ADPRM: variants seen among roughly 807,000 people sequenced by gnomAD.
The protein encoded by ADPRM is manganese-dependent ADP-ribose/CDP-alcohol diphosphatase.
Under a neutral mutation model 27.2 loss-of-function variants are expected in ADPRM, and 17 were observed. That is an observed-to-expected ratio of 0.63 (90% confidence interval 0.43 to 0.94). ADPRM has a LOEUF of 0.94. ADPRM is among the 40% of genes least tolerant of loss of function. The pLI, the probability that ADPRM is intolerant of heterozygous loss-of-function variation, is 0.00. For missense variants in ADPRM, 337 were observed against 412.8 expected, an observed-to-expected ratio of 0.82 and a Z score of 1.59; for synonymous variants, 135 against 145.3, an observed-to-expected ratio of 0.93 and a Z score of 0.51.
At chr17:10,701,347 T>C (rs2074775979) in intron 1 of ADPRM, among the ~76,000 whole-genome samples, 1 of 152,176 alleles carries the variant, frequency 6.6e-6, no homozygotes, top group Non-Finnish European at 1.5e-5. Flanking sequence ...TTTTTTTTTT[T>C]TGAGATGGAG....
intron 1 of ADPRM, among the ~76,000 whole-genome samples, chr17:10,703,111 ATAT>A (rs1477049194): frequency 1.3e-5 from 2 of 152,156 alleles, no homozygotes; most frequent in African/African-American, 4.8e-5. Context: ...CTTGGTGATA[ATAT>A]TCATGTTATA....
Position 10,705,194 on chromosome 17 carries a change from C to T in ADPRM, c.268C>T (p.Leu90=). ...NAQYNASKKS[L]ELVMDMFKRL... Reference sequence around the variant, plus strand: ...ACAGTATAATGCATCCAAAAAGTCCCTAGAACTTGTTATGGACATGTTCAA... The same window carrying T: ...ACAGTATAATGCATCCAAAAAGTCCTTAGAACTTGTTATGGACATGTTCAA... Residue 90 remains leucine, a synonymous_variant, in exon 2 of 4, where the codon CTA becomes TTA. Coordinates refer to ENST00000379774, the MANE Select transcript of ADPRM (RefSeq NM_020233.5). This position sits in a 1 kb window ranked among gnomAD's most constrained non-coding sequence, Gnocchi z 5.4. 6.2e-7 allele frequency: 1 copy of T among 1,614,118 alleles called. No individual in the cohort carries two copies. The highest frequency in any genetic ancestry group is 8.5e-7 in the Non-Finnish European group (1 of 1,180,010).
rs755087684 is a variant in ADPRM, at chr17:10,711,098, C to T, written c.983C>T (p.Pro328Leu). 3.1e-6 allele frequency: 5 copies of T among 1,613,086 alleles called. No homozygotes were observed. The East Asian group carries it at 1.1e-4, about 36-fold the overall frequency. Residue 328 changes from proline (P) to leucine (L), a missense_variant, in exon 4 of 4, where the codon CCA (proline) becomes CTA (leucine). By Grantham distance (98) the Pro-to-Leu change is moderately conservative (BLOSUM62 -3). Transcript: ENST00000379774. ...KMMLKGRGRV[P>L]DRIMNYKKER... ...ATGTTGAAAGGGAGAGGCAGAGTTC[C>T]AGATAGAATTATGAATTACAAGAAA...
At position 10,706,508 on chromosome 17, in the gene ADPRM, A is replaced by C. The variant is rs1210990701; in HGVS notation, c.672A>C (p.Glu224Asp). ...FSQEQLNWLNEVLTFSDTNQE... is the reference protein window; with the variant it reads ...FSQEQLNWLNDVLTFSDTNQE... ...AAGAACAGCTAAACTGGTTGAATGA[A>C]GTGCTAACATTCTCTGACACAAACC... The change falls in exon 3 of 4, where the codon GAA becomes GAC. Residue 224 changes from glutamate to aspartate, a missense_variant. Physicochemically the swap from Glu to Asp is conservative, Grantham distance 45. Coordinates refer to ENST00000379774, the MANE Select transcript of ADPRM (RefSeq NM_020233.5). 1.3e-6 allele frequency: 2 copies of C among 1,597,718 alleles called. No homozygotes were observed. The highest frequency in any genetic ancestry group is 4.6e-5 in the East Asian group (2 of 43,814).
At chr17:10,699,751 C>T (rs552060016) in intron 1 of ADPRM, among the ~76,000 whole-genome samples, 32 of 152,120 alleles carry the variant, frequency 2.1e-4, no homozygotes, top group African/African-American at 6.5e-4. Flanking sequence ...CTAGGACGGT[C>T]TCGATTTCCT....
chr17:10,701,294 C>T (rs2074775340), intron 1 of ADPRM, among the ~76,000 whole-genome samples: 1 of 151,822 alleles, frequency 6.6e-6, no homozygotes, highest in Non-Finnish European at 1.5e-5. Context: ...TTGATTTTCT[C>T]TAAAGTTTTG....
intron 1 of ADPRM, 142 bp from the exon 2 acceptor site, chr17:10,704,768 T>C: frequency 6.3e-6 from 4 of 630,610 alleles, no homozygotes; most frequent in South Asian, 2.2e-5. Context: ...CCTAAGACTG[T>C]TGGGCTCTAA....
At chr17:10,707,285 G>C (rs2074819115) in intron 3 of ADPRM, among the ~76,000 whole-genome samples, 1 of 152,198 alleles carries the variant, frequency 6.6e-6, no homozygotes, top group African/African-American at 2.4e-5. Flanking sequence ...TGAGGCAGGA[G>C]AGTTGCGTGA....
At chr17:10,710,810 A>G in intron 3 of ADPRM, 24 bp from the exon 4 acceptor site, 1 of 1,600,150 alleles carries the variant, frequency 6.2e-7, no homozygotes, top group Non-Finnish European at 8.6e-7. Context: ...TTGGCTCATA[A>G]CTCTTCTTTT....
chr17:10,700,324 T>C (rs77093253), intron 1 of ADPRM, among the ~76,000 whole-genome samples: 490 of 152,334 alleles, frequency 3.2e-3, no homozygotes, highest in African/African-American at 0.011. Flanking sequence ...ATCTTAAGTA[T>C]TGGAAAAGTT....
At chr17:10,703,679 T>C (rs1285546410) in intron 1 of ADPRM, among the ~76,000 whole-genome samples, 1 of 152,216 alleles carries the variant, frequency 6.6e-6, no homozygotes, top group Non-Finnish European at 1.5e-5. Flanking sequence ...TCTGTAGATA[T>C]ATTTGTCAAA....
intron 1 of ADPRM, among the ~76,000 whole-genome samples, chr17:10,700,689 A>G (rs1308882299): frequency 1.3e-5 from 2 of 151,622 alleles, no homozygotes; most frequent in East Asian, 3.9e-4. Context: ...ACTTGAGCCC[A>G]GGAAGTCGAG....
chr17:10,709,991 A>G (rs1038315514), intron 3 of ADPRM, among the ~76,000 whole-genome samples: 7 of 152,232 alleles, frequency 4.6e-5, no homozygotes, highest in Admixed American at 1.3e-4. Flanking sequence ...GGGTATGGCT[A>G]CCTTGATCTC....
intron 1 of ADPRM, among the ~76,000 whole-genome samples, 190 bp from the exon 2 acceptor site, chr17:10,704,720 A>G (rs976498377): frequency 6.6e-6 from 1 of 152,210 alleles, no homozygotes; most frequent in African/African-American, 2.4e-5. Flanking sequence ...TGTTTTACAG[A>G]AGAGAAAGCA....
intron 1 of ADPRM, among the ~76,000 whole-genome samples, chr17:10,703,123 T>C (rs1044403249): frequency 1.3e-5 from 2 of 152,214 alleles, no homozygotes; most frequent in African/African-American, 4.8e-5. Flanking sequence ...ATTCATGTTA[T>C]ATACTTGCTA....
Position 10,710,954 on chromosome 17 carries a change from A to T in ADPRM, c.839A>T (p.His280Leu). 3 of 1,614,200 alleles carry T rather than the reference A, an allele frequency of 1.9e-6. No homozygotes were observed. Among genetic ancestry groups the T allele is most frequent in the Non-Finnish European group, 2.5e-6 (3 of 1,180,040 alleles). ...GTGTGTTTCTTTGCTGGTCACACCC[A>T]TGATGGTGGCTACTCTGAGGATCCT... ...CVVCFFAGHT[H>L]DGGYSEDPFG... The change falls in exon 4 of 4, where the codon CAT (histidine) becomes CTT (leucine). Residue 280 changes from histidine to leucine, a missense_variant. His to Leu is a moderately conservative substitution (Grantham distance 99). Transcript: ENST00000379774.
intron 3 of ADPRM, among the ~76,000 whole-genome samples, chr17:10,708,450 A>AAAAAAAAAAAAAAAC (rs57337863): frequency 4.2e-5 from 5 of 118,938 alleles, no homozygotes; most frequent in South Asian, 2.6e-4. Context: ...AAAAAAAAAA[A>AAAAAAAAAAAAAAAC]CCTTTGAAAA....
chr17:10,705,934 A>C lies in ADPRM; in HGVS notation c.601+407A>C, dbSNP rs1024909659. ...TTATAGAGTGTTACGGAAAAGGATTAGGGTTGCTATTTTAGATTAGGTGAT... is the reference window on the plus strand; with the variant it reads ...TTATAGAGTGTTACGGAAAAGGATTCGGGTTGCTATTTTAGATTAGGTGAT... On this transcript the variant is annotated intron_variant, in intron 2 of 3. Transcript: ENST00000379774. The surrounding 1 kb of genome is among the most constrained non-coding windows in gnomAD (Gnocchi z 5.4). 4.7e-6 allele frequency: 1 copy of C among 211,090 alleles called. No individual in the cohort carries two copies. The highest frequency in any genetic ancestry group is 2.3e-5 in the African/African-American group (1 of 42,964). The allele number at this position is 211,090 out of a possible 1,614,324, so 13.1% of individuals were successfully genotyped here.
intron 3 of ADPRM, among the ~76,000 whole-genome samples, chr17:10,710,501 G>A (rs2074844068): frequency 6.6e-6 from 1 of 152,196 alleles, no homozygotes; most frequent in Non-Finnish European, 1.5e-5. Context: ...CCAGTTTCAG[G>A]CTGCCTTTGC....
Sources: allele counts gnomAD v4.1 joint callset (sites outside exome capture counted in the v4.1 genomes callset), GRCh38; gene constraint gnomAD v4.1.1; non-coding constraint Gnocchi (gnomAD v3.1); transcripts MANE v1.5; gene names NCBI Gene and HGNC (gene_info 2026-07-23, HGNC 2026-07-21).